NPLOC4: variants seen among roughly 807,000 people sequenced by gnomAD.
NPLOC4 encodes the protein nuclear protein localization protein 4 homolog.
NPLOC4 carries 18 observed loss-of-function variants against 80.6 expected under a neutral mutation model. The observed-to-expected ratio is 0.22, with a 90% CI of 0.15 to 0.33. NPLOC4 has a LOEUF of 0.33. Ranked by LOEUF, NPLOC4 falls within the 10% of genes least tolerant of loss-of-function variation. The pLI is 1.00. For synonymous variants in NPLOC4, 313 were observed against 301.5 expected, an observed-to-expected ratio of 1.04 and a Z score of -0.39; for missense variants, 540 against 786.1, an observed-to-expected ratio of 0.69 and a Z score of 3.74.
chr17:81,611,154 T>C (rs2035329117), intron 4 of NPLOC4, among the ~76,000 whole-genome samples: 1 of 151,506 alleles, frequency 6.6e-6, no homozygotes. Context: ...ACCCCATCTC[T>C]ACTAAAAATA....
At chr17:81,596,030 A>C (rs2034900798) in intron 11 of NPLOC4, 86 bp downstream of exon 11, 6 of 1,355,766 alleles carry the variant, frequency 4.4e-6, no homozygotes, top group Non-Finnish European at 6.1e-6. Context: ...AGTATAACTA[A>C]GTTAAGGATA....
At chr17:81,603,480 C>G (rs991742743) in intron 8 of NPLOC4, among the ~76,000 whole-genome samples, 1 of 152,048 alleles carries the variant, frequency 6.6e-6, no homozygotes, top group Non-Finnish European at 1.5e-5. Context: ...CCTGTAGTCC[C>G]AGCTACTCAG....
rs1486117424 is a variant in NPLOC4 at position 81,557,036 on chromosome 17, C to T, written c.*2223G>A. 1 of 152,392 alleles carries T rather than the reference C, an allele frequency of 6.6e-6. No homozygotes were observed. The highest frequency in any genetic ancestry group is 1.5e-5 in the Non-Finnish European group (1 of 68,122). 9.4% of individuals were successfully genotyped at this position (152,392 alleles called of 1,614,324 possible). ...GCAGCTGGTTGGAGGGAGCCAGGGC[C>T]AGGCCCCACCTCCTCTCGGGACCAG... is the stretch of plus-strand genomic sequence containing the variant. On this transcript the variant is annotated 3_prime_UTR_variant, in exon 17 of 17. Coordinates refer to ENST00000331134, the MANE Select transcript of NPLOC4 (RefSeq NM_017921.4).
At chr17:81,559,802 G>A (rs542609248) in intron 16 of NPLOC4, among the ~76,000 whole-genome samples, 175 of 144,394 alleles carry the variant, frequency 1.2e-3, no homozygotes, top group South Asian at 2.0e-3. Flanking sequence ...GCACGATCTC[G>A]GCTCACTGCA....
At chr17:81,608,613 T>TGTCA in intron 6 of NPLOC4, 115 bp downstream of exon 6, 1 of 712,702 alleles carries the variant, frequency 1.4e-6, no homozygotes, top group Middle Eastern at 2.4e-4. Flanking sequence ...TTCAAAGGCG[T>TGTCA]GTGACCCCTT....
chr17:81,624,134 A>C (rs915503709), intron 2 of NPLOC4, among the ~76,000 whole-genome samples: 1 of 151,830 alleles, frequency 6.6e-6, no homozygotes. Context: ...AAAATACAAA[A>C]ATTAGGCCAG....
At position 81,558,632 on chromosome 17, in the gene NPLOC4, T is replaced by C. The variant is rs1183940976; in HGVS notation, c.*627A>G. ...TCTGGGCAGGAATTACTGATAACTG[T>C]TATTATAACCAATGCAGACTTTAAA... On this transcript the variant is annotated 3_prime_UTR_variant, in exon 17 of 17. Transcript: ENST00000331134. 2 of 152,198 alleles carry C rather than the reference T, an allele frequency of 1.3e-5. No individual in the cohort carries two copies. The highest frequency in any genetic ancestry group is 4.8e-5 in the African/African-American group (2 of 41,446). The allele number at this position is 152,198 out of a possible 1,614,324, so 9.4% of individuals were successfully genotyped here.
chr17:81,606,573 A>G (rs1434785828), intron 7 of NPLOC4, 118 bp downstream of exon 7: 5 of 1,063,360 alleles, frequency 4.7e-6, no homozygotes, highest in East Asian at 2.6e-5. Flanking sequence ...CAGTCCATCA[A>G]AAAGTACTGA....
rs1358916943 is a variant in NPLOC4 at position 81,577,290 on chromosome 17, G to A, written c.1282-5202C>T. Among the ~76,000 whole-genome samples the A allele has an allele frequency of 2.0e-5, 3 of 151,932 alleles. No individual in the cohort carries two copies. The highest frequency in any genetic ancestry group is 2.0e-4 in the Admixed American group (3 of 15,246). On this transcript the variant is annotated intron_variant, in intron 12 of 16. Transcript: ENST00000331134. The surrounding 1 kb of genome is among the most constrained non-coding windows in gnomAD (Gnocchi z 4.3). The stretch of plus-strand genomic sequence containing the variant: ...CTGTCCGCACAGCTCTCCAGACAGA[G>A]GACCCCAGCACTGTCCCTTGGCACC...
chr17:81,627,481 T>TTTGGGA (rs1280636773), intron 2 of NPLOC4, among the ~76,000 whole-genome samples: 1 of 152,034 alleles, frequency 6.6e-6, no homozygotes, highest in African/African-American at 2.4e-5. Flanking sequence ...GGCTCACGCC[T>TTTGGGA]GTAACCCCAG....
intron 2 of NPLOC4, among the ~76,000 whole-genome samples, chr17:81,627,567 C>T (rs1226359495): frequency 6.6e-6 from 1 of 151,856 alleles, no homozygotes; most frequent in African/African-American, 2.4e-5. Flanking sequence ...TGGTGAAACT[C>T]CATCTCTATT....
intron 16 of NPLOC4, chr17:81,560,826 G>T (rs763690108): frequency 6.6e-6 from 1 of 152,202 alleles, no homozygotes; most frequent in Admixed American, 6.5e-5. Flanking sequence ...CCTCCCACTC[G>T]CAAGGTACGA....
chr17:81,633,249 TC>T (rs1396388680), intron 1 of NPLOC4, among the ~76,000 whole-genome samples: 1 of 152,134 alleles, frequency 6.6e-6, no homozygotes, highest in Non-Finnish European at 1.5e-5. Flanking sequence ...GGTAAATACT[TC>T]CACTTATTTG....
intron 9 of NPLOC4, among the ~76,000 whole-genome samples, chr17:81,598,654 G>A (rs1322932281): frequency 6.6e-6 from 1 of 152,196 alleles, no homozygotes; most frequent in Non-Finnish European, 1.5e-5. Flanking sequence ...CAGTGCCTGT[G>A]TGCTGTGTGA....
intron 11 of NPLOC4, among the ~76,000 whole-genome samples, chr17:81,589,555 A>C (rs1006799333): frequency 1.3e-5 from 2 of 151,068 alleles, no homozygotes; most frequent in African/African-American, 4.9e-5. Context: ...AAAATTCAGT[A>C]GTCAACGGAT....
In NPLOC4 at chr17:81,596,261, C is replaced by T. The variant is rs977336269; in HGVS notation, c.994-19G>A. ...AGGTGTCCTAAGACAAGAGAAGCAG[C>T]CTATCAAATTTTACAGCATCATGCC... is the stretch of plus-strand genomic sequence containing the variant. On this transcript the variant is annotated intron_variant, in intron 10 of 16. Transcript: ENST00000331134. The T allele has an allele frequency of 1.6e-5, 26 of 1,592,610 alleles. No homozygotes were observed. Among genetic ancestry groups the T allele is most frequent in the Non-Finnish European group, 2.1e-5 (25 of 1,166,706 alleles).
intron 1 of NPLOC4, among the ~76,000 whole-genome samples, chr17:81,635,848 T>C (rs1006662179): frequency 3.9e-5 from 6 of 152,206 alleles, no homozygotes; most frequent in African/African-American, 1.4e-4. Context: ...AATGCTCCTG[T>C]CCAATGGTCA....
chr17:81,599,095 C>T (rs1400240110), intron 9 of NPLOC4, among the ~76,000 whole-genome samples: 3 of 152,136 alleles, frequency 2.0e-5, no homozygotes, highest in East Asian at 1.9e-4. Flanking sequence ...TCAAGACCAG[C>T]CTGGCCAACA....
intron 13 of NPLOC4, among the ~76,000 whole-genome samples, chr17:81,569,837 A>AG (rs1288450528): frequency 6.6e-6 from 1 of 152,224 alleles, no homozygotes; most frequent in Non-Finnish European, 1.5e-5. Flanking sequence ...TAGATGCTAC[A>AG]GGGACAGTGG....
Sources: allele counts gnomAD v4.1 joint callset (sites outside exome capture counted in the v4.1 genomes callset), GRCh38; gene constraint gnomAD v4.1.1; non-coding constraint Gnocchi (gnomAD v3.1); transcripts MANE v1.5; gene names NCBI Gene and HGNC (gene_info 2026-07-23, HGNC 2026-07-21).